WRN: variants seen among roughly 807,000 people sequenced by gnomAD.
The protein encoded by WRN is bifunctional 3'-5' exonuclease/ATP-dependent helicase WRN.
A neutral mutation model predicts 180.7 loss-of-function variants in WRN; 149 were observed. That is an observed-to-expected ratio of 0.82 (90% CI 0.72 to 0.94). The LOEUF is 0.94. Ranked by LOEUF, WRN falls within the 40% of genes least tolerant of loss-of-function variation. The pLI is 0.00. For missense variants in WRN, 1,661 were observed against 1,700.1 expected, an observed-to-expected ratio of 0.98 and a Z score of 0.40; for synonymous variants, 548 against 568.9, an observed-to-expected ratio of 0.96 and a Z score of 0.52.
At chr8:31,040,449 AT>A (rs1434923058) in intron 1 of WRN, among the ~76,000 whole-genome samples, 1 of 152,128 alleles carries the variant, frequency 6.6e-6, no homozygotes, top group Non-Finnish European at 1.5e-5. Flanking sequence ...ATGTTTAGAG[AT>A]TGGGGAGGTA....
chr8:31,091,825 T>A lies in WRN; in HGVS notation c.1830-5T>A, dbSNP rs565992884. The A allele has an allele frequency of 6.2e-7, 1 of 1,612,862 alleles. No individual in the cohort carries two copies. The highest frequency in any genetic ancestry group is 1.1e-5 in the South Asian group (1 of 91,062). ...GTGCCAGAATATTTGTTTTTCTTCT[T>A]ATAGAATGTCCAACATCCCAGCTTG... On this transcript the variant is annotated splice_polypyrimidine_tract_variant and splice_region_variant and intron_variant, in intron 15 of 34. Transcript: ENST00000298139.
intron 3 of WRN, among the ~76,000 whole-genome samples, chr8:31,059,781 G>C (rs1812416296): frequency 6.6e-6 from 1 of 152,196 alleles, no homozygotes; most frequent in South Asian, 2.1e-4. Context: ...TAGAGGCCAG[G>C]CGCGGTGGCT....
chr8:31,046,060 T>C (rs535433258), intron 1 of WRN, among the ~76,000 whole-genome samples: 27 of 152,178 alleles, frequency 1.8e-4, no homozygotes, highest in Non-Finnish European at 3.8e-4. Context: ...TCATTTTTGC[T>C]GTTACTGATT....
intron 33 of WRN, among the ~76,000 whole-genome samples, chr8:31,158,311 G>A (rs1161266532): frequency 6.6e-6 from 1 of 152,132 alleles, no homozygotes; most frequent in South Asian, 2.1e-4. Flanking sequence ...GGGCCGCTAC[G>A]TAGAAGGATT....
chr8:31,101,541 C>A (rs1027942874), intron 18 of WRN, among the ~76,000 whole-genome samples: 8 of 152,050 alleles, frequency 5.3e-5, no homozygotes, highest in African/African-American at 1.9e-4. Context: ...AGTCCCAGCA[C>A]TTTGGGAGGC....
chr8:31,040,384 G>A (rs369200501), intron 1 of WRN, among the ~76,000 whole-genome samples: 1 of 152,204 alleles, frequency 6.6e-6, no homozygotes, highest in South Asian at 2.1e-4. Context: ...CTCTAAGGGA[G>A]TGAGTGTAGA....
intron 1 of WRN, among the ~76,000 whole-genome samples, chr8:31,048,600 G>A (rs1249271785): frequency 6.6e-6 from 1 of 152,106 alleles, no homozygotes; most frequent in Non-Finnish European, 1.5e-5. Flanking sequence ...AATGTGCAAG[G>A]TTACATTTTC....
chr8:31,081,100 A>G lies in WRN; in HGVS notation c.1073A>G (p.Asp358Gly), dbSNP rs780287000. 5.6e-6 allele frequency: 9 copies of G among 1,613,974 alleles called. No homozygotes were observed. Among genetic ancestry groups the G allele is most frequent in the East Asian group, 2.2e-5 (1 of 44,848 alleles). ...ACACTTGATCATTTAGCTAAACATG[A>G]TGGAGAAGATGTACTTGGAAATAAA... ...DPTLDHLAKH[D>G]GEDVLGNKVE... Residue 358 changes from aspartate to glycine, a missense_variant, in exon 9 of 35, where the codon GAT (aspartate) becomes GGT (glycine). Asp to Gly is a moderately conservative substitution (Grantham distance 94). Around this residue, in one of 3 missense-constraint regions of WRN, gnomAD observed 500 missense variants for 504.1 expected, o/e 0.99. Transcript: ENST00000298139.
At chr8:31,069,041 C>T (rs941908967) in intron 7 of WRN, among the ~76,000 whole-genome samples, 5 of 152,168 alleles carry the variant, frequency 3.3e-5, no homozygotes, top group Admixed American at 2.0e-4. Context: ...TCCGTTTTAC[C>T]GTTTTATAGA....
At chr8:31,117,059 G>C (rs947458450) in intron 20 of WRN, among the ~76,000 whole-genome samples, 1 of 152,206 alleles carries the variant, frequency 6.6e-6, no homozygotes, top group Non-Finnish European at 1.5e-5. Flanking sequence ...GGTTGGCCAG[G>C]TTATAGATGG....
chr8:31,071,327 A>G (rs1474192901), intron 7 of WRN, among the ~76,000 whole-genome samples: 1 of 152,152 alleles, frequency 6.6e-6, no homozygotes, highest in Non-Finnish European at 1.5e-5. Context: ...TAAAAAAATA[A>G]GAACTTGGGC....
intron 3 of WRN, among the ~76,000 whole-genome samples, chr8:31,062,874 C>G (rs979526829): frequency 6.6e-6 from 1 of 151,932 alleles, no homozygotes; most frequent in Non-Finnish European, 1.5e-5. Flanking sequence ...CTCTGTTATC[C>G]AGGCTGGAGT....
intron 1 of WRN, among the ~76,000 whole-genome samples, chr8:31,052,787 CAT>C (rs1812125880): frequency 6.6e-6 from 1 of 152,078 alleles, no homozygotes; most frequent in Non-Finnish European, 1.5e-5. Flanking sequence ...ATTATTTAGT[CAT>C]AATTTATTAT....
chr8:31,172,967 G>T (rs878944460), intron 34 of WRN, 28 bp from the exon 35 acceptor site: 1 of 1,607,186 alleles, frequency 6.2e-7, no homozygotes, highest in South Asian at 1.1e-5. Flanking sequence ...ACAAAGATTT[G>T]ATTTCTTTTT....
rs1400889883 is a variant in WRN, at chr8:31,173,783, A to G, written c.*681A>G. 6.5e-6 allele frequency: 1 copy of G among 153,584 alleles called. No individual in the cohort carries two copies. Among genetic ancestry groups the G allele is most frequent in the Non-Finnish European group, 1.4e-5 (1 of 68,996 alleles). The allele number at this position is 153,584 out of a possible 1,614,324, so 9.5% of individuals were successfully genotyped here. ...ATTATATATATATTTTTTAGCTTTC[A>G]TTTACTTAATTATTTTAAGTACCTT... On this transcript the variant is annotated 3_prime_UTR_variant, in exon 35 of 35. Coordinates refer to ENST00000298139, the MANE Select transcript of WRN (RefSeq NM_000553.6).
At chr8:31,160,346 G>A (rs1803563378) in intron 33 of WRN, among the ~76,000 whole-genome samples, 2 of 152,188 alleles carry the variant, frequency 1.3e-5, no homozygotes, top group Admixed American at 1.3e-4. Context: ...GGTTAAATTA[G>A]CCAAATCCTG....
intron 1 of WRN, among the ~76,000 whole-genome samples, chr8:31,039,456 C>A (rs961314086): frequency 6.6e-6 from 1 of 151,884 alleles, no homozygotes; most frequent in Non-Finnish European, 1.5e-5. Context: ...GATCTAGTAG[C>A]TTTCTTTGAG....
chr8:31,162,431 A>G (rs1482724978), intron 33 of WRN, among the ~76,000 whole-genome samples: 1 of 152,158 alleles, frequency 6.6e-6, no homozygotes, highest in Non-Finnish European at 1.5e-5. Context: ...AGTCATATGC[A>G]TGGGGCTGTC....
intron 23 of WRN, among the ~76,000 whole-genome samples, chr8:31,128,808 G>A (rs1456607810): frequency 2.6e-5 from 4 of 152,186 alleles, no homozygotes; most frequent in African/African-American, 9.6e-5. Context: ...GCAGTGAGCC[G>A]AGATCGCGCC....
Sources: gnomAD v4.1 joint callset for allele counts (sites outside exome capture counted in the v4.1 genomes callset) on GRCh38, gnomAD v4.1.1 for gene constraint, gnomAD v4.1.1 regional missense constraint, MANE v1.5 for transcripts, NCBI Gene and HGNC (gene_info 2026-07-23, HGNC 2026-07-21) for gene names.